Variants in KIAA1671 observed in about 807,000 individuals in gnomAD.
KIAA1671 encodes uncharacterized protein KIAA1671.
Under a neutral mutation model 131.2 loss-of-function variants are expected in KIAA1671, and 52 were observed. That is an observed-to-expected ratio of 0.40 (90% CI 0.32 to 0.50). KIAA1671 has a LOEUF of 0.50. Ranked by LOEUF, KIAA1671 falls within the 20% of genes least tolerant of loss-of-function variation. The pLI is 0.73. For synonymous variants in KIAA1671, 1,003 were observed against 961.6 expected, an observed-to-expected ratio of 1.04 and a Z score of -0.80; for missense variants, 2,360 against 2,364.2, an observed-to-expected ratio of 1.00 and a Z score of 0.04.
At chr22:25,136,453 A>G (rs1265560447) in intron 6 of KIAA1671, among the ~76,000 whole-genome samples, 1 of 152,126 alleles carries the variant, frequency 6.6e-6, no homozygotes, top group Non-Finnish European at 1.5e-5. Flanking sequence ...TATGTTCTCA[A>G]AGGGGAGAAG....
rs35382875 is a variant in KIAA1671, at chr22:24,999,235, C to CAG, written c.-207-26383_-207-26382dup. Among the ~76,000 whole-genome samples, 1,261 of 150,436 alleles carry CAG rather than the reference C, an allele frequency of 8.4e-3. 35 individuals are homozygous for CAG. Among genetic ancestry groups the CAG allele is most frequent in the Admixed American group, 0.054 (814 of 15,060 alleles). On this transcript the variant is annotated intron_variant, in intron 1 of 12. Coordinates refer to ENST00000358431, the MANE Select transcript of KIAA1671 (RefSeq NM_001145206.2). ...TATAATCAATATAGTGTATAGTATA[C>CAG]AGAGAGAGAGAGAGAGCACAATAGG...
intron 10 of KIAA1671, among the ~76,000 whole-genome samples, chr22:25,182,503 A>T (rs1364489620): frequency 6.6e-6 from 1 of 152,008 alleles, no homozygotes; most frequent in Non-Finnish European, 1.5e-5. Flanking sequence ...TGCAAAAATA[A>T]CTCAGGGAGT....
chr22:25,097,497 T>C (rs755878024), intron 6 of KIAA1671, among the ~76,000 whole-genome samples: 11 of 152,146 alleles, frequency 7.2e-5, no homozygotes, highest in African/African-American at 2.4e-4. Context: ...TCCCAGCACT[T>C]TGGGAGGCTG....
intron 3 of KIAA1671, among the ~76,000 whole-genome samples, chr22:25,030,755 C>A (rs915049104): frequency 1.1e-4 from 16 of 152,308 alleles, no homozygotes; most frequent in African/African-American, 1.7e-4. Flanking sequence ...CACAAGTGGC[C>A]ACAACAGAGA....
At chr22:25,023,690 C>T (rs1925791875) in intron 1 of KIAA1671, 1 of 151,942 alleles carries the variant, frequency 6.6e-6, no homozygotes, top group Non-Finnish European at 1.5e-5. Flanking sequence ...TGCGGTGGCT[C>T]AATCCCAGCA....
rs9612887 is a variant in KIAA1671, at chr22:25,181,766, T to C, written c.5142T>C (p.Pro1714=). 703,921 of 1,551,104 alleles carry C rather than the reference T, an allele frequency of 0.45. 163,337 individuals carry two copies. Among genetic ancestry groups the C allele is most frequent in the East Asian group, 0.75 (30,677 of 40,874 alleles). The change falls in exon 10 of 13, where the codon CCT becomes CCC. Residue 1714 remains proline (P), a synonymous_variant. Coordinates refer to ENST00000358431, the MANE Select transcript of KIAA1671 (RefSeq NM_001145206.2). ...CGGCATCCAAAGCTGAGAGGACCCC[T>C]GTCAGCCATCCTCAGAGGATGCCTG... ...EETASKAERT[P]VSHPQRMPAF...
intron 7 of KIAA1671, 94 bp from the exon 8 acceptor site, chr22:25,174,146 C>T (rs1933941353): frequency 2.2e-6 from 3 of 1,376,926 alleles, no homozygotes; most frequent in Non-Finnish European, 3.0e-6. Flanking sequence ...AAAACATAAC[C>T]CAAGCTATGC....
At chr22:25,013,738 C>T (rs1242731503) in intron 1 of KIAA1671, 2 of 152,218 alleles carry the variant, frequency 1.3e-5, no homozygotes, top group African/African-American at 2.4e-5. Flanking sequence ...CTTCCTACAC[C>T]AGGCTGGACA....
At chr22:24,979,866 C>G (rs532463426) in intron 1 of KIAA1671, among the ~76,000 whole-genome samples, 1 of 152,216 alleles carries the variant, frequency 6.6e-6, no homozygotes, top group South Asian at 2.1e-4. Flanking sequence ...GCATCTGATA[C>G]AAGTGAACCA....
At chr22:25,086,367 A>G (rs1171120092) in intron 6 of KIAA1671, among the ~76,000 whole-genome samples, 1 of 152,186 alleles carries the variant, frequency 6.6e-6, no homozygotes, top group African/African-American at 2.4e-5. Context: ...TAGTTTCCCC[A>G]CTTCCTAGAA....
At chr22:25,046,541 G>C (rs766016717) in intron 5 of KIAA1671, among the ~76,000 whole-genome samples, 6 of 139,190 alleles carry the variant, frequency 4.3e-5, no homozygotes, top group Non-Finnish European at 9.3e-5. Context: ...AGTTTTAAGA[G>C]AGAGACGATT....
At chr22:25,183,460 CCCTCTCTT>C (rs1247353722) in intron 10 of KIAA1671, among the ~76,000 whole-genome samples, 3 of 88,084 alleles carry the variant, frequency 3.4e-5, no homozygotes, top group Admixed American at 3.1e-4. Flanking sequence ...CTCCCTCCCT[CCCTCTCTT>C]CCTTCCTTCC....
intron 1 of KIAA1671, among the ~76,000 whole-genome samples, chr22:24,961,580 A>C (rs1390513289): frequency 6.6e-6 from 1 of 152,202 alleles, no homozygotes; most frequent in Non-Finnish European, 1.5e-5. Context: ...ATCTTCATCC[A>C]GATTCACAGG....
chr22:25,131,466 C>T (rs1013385350), intron 6 of KIAA1671, among the ~76,000 whole-genome samples: 1 of 152,196 alleles, frequency 6.6e-6, no homozygotes, highest in East Asian at 1.9e-4. Context: ...CCCTCTGGGG[C>T]CTGGCAGGTG....
intron 6 of KIAA1671, among the ~76,000 whole-genome samples, chr22:25,136,208 A>G (rs375750537): frequency 4.6e-5 from 7 of 152,138 alleles, no homozygotes; most frequent in Admixed American, 1.3e-4. Flanking sequence ...TGCCTTTTAT[A>G]TATCTTTCAT....
chr22:25,179,018 C>T (rs1934156178), intron 9 of KIAA1671, among the ~76,000 whole-genome samples: 1 of 152,048 alleles, frequency 6.6e-6, no homozygotes, highest in Non-Finnish European at 1.5e-5. Flanking sequence ...CCTGGGTTTA[C>T]CACGGTCACC....
intron 6 of KIAA1671, among the ~76,000 whole-genome samples, chr22:25,073,496 A>G (rs953150075): frequency 1.1e-4 from 17 of 152,148 alleles, no homozygotes; most frequent in Admixed American, 7.9e-4. Flanking sequence ...TAACATACCT[A>G]TCTCCTCTCA....
intron 6 of KIAA1671, chr22:25,061,511 T>C (rs1402800463): frequency 6.6e-6 from 1 of 152,112 alleles, no homozygotes; most frequent in East Asian, 1.9e-4. Flanking sequence ...AGGGCCTTCA[T>C]TGATTGAGCA....
intron 6 of KIAA1671, among the ~76,000 whole-genome samples, chr22:25,161,337 C>T (rs757026326): frequency 5.3e-4 from 81 of 152,348 alleles, no homozygotes; most frequent in Non-Finnish European, 4.7e-4. Context: ...AGGATGCCCA[C>T]GTAGACCACT....
Sources: allele counts gnomAD v4.1 joint callset (sites outside exome capture counted in the v4.1 genomes callset), GRCh38; gene constraint gnomAD v4.1.1; transcripts MANE v1.5; gene names NCBI Gene and HGNC (gene_info 2026-07-23, HGNC 2026-07-21).